Variants in NUBPL observed in about 807,000 individuals in gnomAD.
NUBPL encodes NUBP iron-sulfur cluster assembly factor, mitochondrial.
In NUBPL, 31 loss-of-function variants were observed where a neutral mutation model predicts 45.7. That is an observed-to-expected ratio of 0.68 (90% confidence interval 0.51 to 0.92). The LOEUF (loss-of-function observed/expected upper bound fraction) is 0.92. Among genes scored for constraint, NUBPL ranks in the 40% least tolerant of loss-of-function variants. The pLI, the probability that NUBPL is intolerant of heterozygous loss-of-function variation, is 0.00. For missense variants in NUBPL, 401 were observed against 398.7 expected, an observed-to-expected ratio of 1.01 and a Z score of -0.05; for synonymous variants, 144 against 140.9, an observed-to-expected ratio of 1.02 and a Z score of -0.15.
chr14:31,665,236 G>A (rs2036377967), intron 4 of NUBPL, among the ~76,000 whole-genome samples: 1 of 152,044 alleles, frequency 6.6e-6, no homozygotes, highest in East Asian at 1.9e-4. Flanking sequence ...GTTCTTCTCT[G>A]ATCTTAGTTA....
intron 6 of NUBPL, among the ~76,000 whole-genome samples, chr14:31,676,679 G>T (rs1004493864): frequency 6.6e-6 from 1 of 151,872 alleles, no homozygotes; most frequent in Non-Finnish European, 1.5e-5. Flanking sequence ...ATAATATTGA[G>T]CCCTTTTCCA....
chr14:31,628,205 A>C (rs1016555380), intron 4 of NUBPL, among the ~76,000 whole-genome samples: 7 of 152,224 alleles, frequency 4.6e-5, no homozygotes, highest in Admixed American at 4.6e-4. Flanking sequence ...TTGGTTTCTT[A>C]AACATGAGTT....
chr14:31,596,063 C>T (rs1019234083), intron 3 of NUBPL, among the ~76,000 whole-genome samples: 25 of 151,910 alleles, frequency 1.6e-4, no homozygotes, highest in Non-Finnish European at 8.8e-5. Context: ...CCCGCCAGCA[C>T]GCCTAGCTAA....
At chr14:31,813,924 C>T (rs2039865578) in intron 7 of NUBPL, among the ~76,000 whole-genome samples, 1 of 152,186 alleles carries the variant, frequency 6.6e-6, no homozygotes, top group Admixed American at 6.5e-5. Context: ...TTTTCTTATC[C>T]AGTCCATCAT....
intron 10 of NUBPL, among the ~76,000 whole-genome samples, chr14:31,858,614 A>G (rs1401606031): frequency 6.6e-6 from 1 of 151,988 alleles, no homozygotes; most frequent in African/African-American, 2.4e-5. Context: ...TCCATTTTTT[A>G]CCAGGTGAAA....
intron 6 of NUBPL, among the ~76,000 whole-genome samples, chr14:31,725,614 C>A (rs2037903602): frequency 6.6e-6 from 1 of 152,044 alleles, no homozygotes; most frequent in Non-Finnish European, 1.5e-5. Context: ...GCATTGACTG[C>A]ACCCCATCAC....
chr14:31,684,958 T>TAGTA, intron 6 of NUBPL, among the ~76,000 whole-genome samples: 1 of 152,120 alleles, frequency 6.6e-6, no homozygotes, highest in South Asian at 2.1e-4. Context: ...GGAAAAGGAG[T>TAGTA]TAGTAAACAG....
intron 6 of NUBPL, among the ~76,000 whole-genome samples, chr14:31,756,776 G>A (rs2038675191): frequency 6.6e-6 from 1 of 152,020 alleles, no homozygotes; most frequent in Admixed American, 6.6e-5. Flanking sequence ...CCTGTCTTGT[G>A]TCCGTTTTCA....
intron 6 of NUBPL, among the ~76,000 whole-genome samples, chr14:31,675,224 G>A (rs2036665559): frequency 6.6e-6 from 1 of 152,122 alleles, no homozygotes; most frequent in African/African-American, 2.4e-5. Flanking sequence ...GGATAAAGAT[G>A]GGGTAAGAAA....
chr14:31,701,398 C>A (rs904623351), intron 6 of NUBPL, among the ~76,000 whole-genome samples: 4 of 152,208 alleles, frequency 2.6e-5, no homozygotes, highest in South Asian at 4.1e-4. Flanking sequence ...TAAAATGGAC[C>A]AATCAGCAGG....
chr14:31,634,678 T>G (rs2035438816), intron 4 of NUBPL, among the ~76,000 whole-genome samples: 1 of 152,208 alleles, frequency 6.6e-6, no homozygotes, highest in African/African-American at 2.4e-5. Flanking sequence ...ACTTCCACAA[T>G]GGTTGAACCA....
At chr14:31,846,934 T>C (rs2040462701) in intron 9 of NUBPL, among the ~76,000 whole-genome samples, 2 of 151,268 alleles carry the variant, frequency 1.3e-5, no homozygotes, top group Admixed American at 6.6e-5. Flanking sequence ...CCAGCCTGGG[T>C]GACAGAGTGA....
At chr14:31,808,438 C>T (rs141497588) in intron 7 of NUBPL, among the ~76,000 whole-genome samples, 136 of 152,072 alleles carry the variant, frequency 8.9e-4, no homozygotes, top group African/African-American at 3.1e-3. Context: ...TTTGTGTATA[C>T]GAATGCTTGT....
intron 4 of NUBPL, 144 bp downstream of exon 4, chr14:31,599,523 CTGTTACTTTAAG>C: frequency 1.6e-6 from 1 of 630,466 alleles, no homozygotes; most frequent in South Asian, 2.0e-5. Context: ...TTCTTGGAAA[CTGTTACTTTAAG>C]TGAATAGATA....
chr14:31,817,677 G>A (rs1344216792), intron 7 of NUBPL, among the ~76,000 whole-genome samples: 1 of 152,138 alleles, frequency 6.6e-6, no homozygotes, highest in East Asian at 1.9e-4. Flanking sequence ...AATATGGAAA[G>A]GAAAACTGGT....
chr14:31,844,303 T>C (rs745433337), intron 8 of NUBPL: 1 of 152,242 alleles, frequency 6.6e-6, no homozygotes, highest in Non-Finnish European at 1.5e-5. Context: ...TTTTGAGTGA[T>C]AATTTTTTGT....
At chr14:31,714,228 G>C (rs997352371) in intron 6 of NUBPL, among the ~76,000 whole-genome samples, 6 of 152,060 alleles carry the variant, frequency 3.9e-5, no homozygotes, top group African/African-American at 1.4e-4. Flanking sequence ...GGAATATAAA[G>C]ACATGATCAA....
chr14:31,661,084 C>A (rs1762303577), intron 4 of NUBPL, among the ~76,000 whole-genome samples: 1 of 152,096 alleles, frequency 6.6e-6, no homozygotes, highest in South Asian at 2.1e-4. Flanking sequence ...TGTTTGAAAC[C>A]AACTGGTTAC....
At chr14:31,855,143 G>GTGAA (rs2040596916) in intron 10 of NUBPL, among the ~76,000 whole-genome samples, 1 of 152,086 alleles carries the variant, frequency 6.6e-6, no homozygotes, top group Non-Finnish European at 1.5e-5. Flanking sequence ...GTCTCATCTT[G>GTGAA]CTTTAGTGAA....
Sources: gnomAD v4.1 joint callset for allele counts (sites outside exome capture counted in the v4.1 genomes callset) on GRCh38, gnomAD v4.1.1 for gene constraint, MANE v1.5 for transcripts, NCBI Gene and HGNC (gene_info 2026-07-23, HGNC 2026-07-21) for gene names.